The following PLEKHA5 variants were observed in gnomAD, a reference collection of about 807,000 sequenced individuals.
PLEKHA5 encodes the protein pleckstrin homology domain containing A5, also known as pleckstrin homology domain-containing family A member 5.
A neutral mutation model predicts 181.9 loss-of-function variants in PLEKHA5; 55 were observed. That is an observed-to-expected ratio of 0.30 (90% confidence interval 0.24 to 0.38). PLEKHA5 has a LOEUF of 0.38. Among genes scored for constraint, PLEKHA5 ranks in the 10% least tolerant of loss-of-function variants. The pLI, the probability that PLEKHA5 is intolerant of heterozygous loss-of-function variation, is 1.00. For synonymous variants in PLEKHA5, 535 were observed against 529.4 expected (o/e 1.01, Z -0.15); for missense variants, 1,432 against 1,549.5 (o/e 0.92, Z 1.27).
At chr12:19,250,642 A>G (rs1020900172) in intron 3 of PLEKHA5, among the ~76,000 whole-genome samples, 2 of 152,234 alleles carry the variant, frequency 1.3e-5, no homozygotes, top group African/African-American at 4.8e-5. Context: ...CCTTTTTATA[A>G]GGATTCTTCT....
chr12:19,366,838 A>G (rs1344831240), intron 30 of PLEKHA5, among the ~76,000 whole-genome samples: 1 of 152,092 alleles, frequency 6.6e-6, no homozygotes, highest in African/African-American at 2.4e-5. Flanking sequence ...ATTGTAGAAA[A>G]TTATTATCCA....
At chr12:19,183,409 A>G (rs747687509) in intron 3 of PLEKHA5, among the ~76,000 whole-genome samples, 53 of 152,210 alleles carry the variant, frequency 3.5e-4, no homozygotes, top group Non-Finnish European at 6.8e-4. Flanking sequence ...CTACATGTTC[A>G]CTTATTATCA....
Position 19,366,028 on chromosome 12 carries a change from A to T in PLEKHA5, c.3673A>T (p.Asn1225Tyr). 1 of 1,612,162 alleles carries T rather than the reference A, an allele frequency of 6.2e-7. No homozygotes were observed. Among genetic ancestry groups the T allele is most frequent in the East Asian group, 2.2e-5 (1 of 44,858 alleles). ...PEEHPEENTK[N>Y]SVDEQEETVI... ...AGAGCATCCTGAAGAAAATACAAAG[A>T]ACAGTGTTGACGAACAGGAAGAAAC... Residue 1225 changes from asparagine (N) to tyrosine (Y), a missense_variant, in exon 30 of 32, where the codon AAC becomes TAC. Physicochemically the swap from Asn to Tyr is moderately radical, Grantham distance 143. Coordinates refer to ENST00000429027, the MANE Select transcript of PLEKHA5 (RefSeq NM_001256470.2).
intron 18 of PLEKHA5, among the ~76,000 whole-genome samples, chr12:19,322,105 A>C (rs1565614895): frequency 2.0e-5 from 3 of 152,180 alleles, no homozygotes; most frequent in African/African-American, 7.2e-5. Context: ...ATTTTAATTA[A>C]GGACTGCATA....
chr12:19,306,909 A>C lies in PLEKHA5; in HGVS notation c.2038-7905A>C, dbSNP rs1006654763. The C allele has an allele frequency of 3.6e-6, 3 of 825,988 alleles. No individual in the cohort carries two copies. The Admixed American group carries it at 5.5e-5, about 15-fold the overall frequency. 51.2% of individuals were successfully genotyped at this position (825,988 alleles called of 1,614,324 possible). A position where few individuals can be genotyped will look rare whatever the true frequency, so the allele number is the denominator to read the frequency against. ...GCTAAGGCTTGTCTCTGTTGGCACC[A>C]GCTAATGCAATGGCAGGTCTTCTGC... On this transcript the variant is annotated intron_variant, in intron 15 of 31. Coordinates refer to ENST00000429027, the MANE Select transcript of PLEKHA5 (RefSeq NM_001256470.2).
chr12:19,140,395 A>C (rs185099917), intron 3 of PLEKHA5, among the ~76,000 whole-genome samples: 1 of 152,330 alleles, frequency 6.6e-6, no homozygotes, highest in Admixed American at 6.5e-5. Context: ...GAAACCCAAA[A>C]GAAATAAAGA....
At chr12:19,252,466 A>G (rs903519061) in intron 3 of PLEKHA5, among the ~76,000 whole-genome samples, 5 of 152,192 alleles carry the variant, frequency 3.3e-5, no homozygotes, top group African/African-American at 1.2e-4. Flanking sequence ...TATATTGCAT[A>G]TTATTTTGAG....
chr12:19,320,163 C>A, intron 17 of PLEKHA5, 107 bp downstream of exon 17: 1 of 438,198 alleles, frequency 2.3e-6, no homozygotes, highest in Non-Finnish European at 4.0e-6. Flanking sequence ...TATGTATATA[C>A]CGTGAAGGAT....
chr12:19,361,470 A>C lies in PLEKHA5; in HGVS notation c.3484-112A>C, dbSNP rs528086814. On this transcript the variant is annotated intron_variant, in intron 28 of 31. Coordinates refer to ENST00000429027, the MANE Select transcript of PLEKHA5 (RefSeq NM_001256470.2). ...AGTGCTGGGATTACAGGCGTGAGCCATCACGCCCGACCGTGATTGTTCAAT... is the reference window on the plus strand; with the variant it reads ...AGTGCTGGGATTACAGGCGTGAGCCCTCACGCCCGACCGTGATTGTTCAAT... 1.1e-3 allele frequency: 732 copies of C among 638,394 alleles called. 14 individuals are homozygous for C. The South Asian group carries it at 0.014, about 12-fold the overall frequency. 39.5% of individuals were successfully genotyped at this position (638,394 alleles called of 1,614,324 possible). A position where few individuals can be genotyped will look rare whatever the true frequency, so the allele number is the denominator to read the frequency against.
intron 15 of PLEKHA5, among the ~76,000 whole-genome samples, chr12:19,300,694 G>A (rs542022895): frequency 2.0e-5 from 3 of 152,080 alleles, no homozygotes; most frequent in Non-Finnish European, 4.4e-5. Flanking sequence ...TGACCTAAAG[G>A]TGTCATTATG....
intron 20 of PLEKHA5, among the ~76,000 whole-genome samples, chr12:19,334,982 T>TG (rs1555165903): frequency 4.4e-5 from 3 of 67,912 alleles, no homozygotes; most frequent in African/African-American, 7.9e-5. Context: ...TTTTTTTTTA[T>TG]GAAAAAAAAA....
At chr12:19,204,162 A>G (rs546432061) in intron 3 of PLEKHA5, among the ~76,000 whole-genome samples, 5 of 152,054 alleles carry the variant, frequency 3.3e-5, no homozygotes, top group Non-Finnish European at 7.4e-5. Context: ...GTTCTCAAAA[A>G]TGAGACATTT....
chr12:19,272,898 C>G (rs1169453547), intron 10 of PLEKHA5, among the ~76,000 whole-genome samples: 1 of 152,112 alleles, frequency 6.6e-6, no homozygotes, highest in Non-Finnish European at 1.5e-5. Flanking sequence ...TGTAAATGTT[C>G]TATGCCTTCT....
At chr12:19,204,269 A>G (rs1389591314) in intron 3 of PLEKHA5, among the ~76,000 whole-genome samples, 1 of 152,146 alleles carries the variant, frequency 6.6e-6, no homozygotes, top group African/African-American at 2.4e-5. Flanking sequence ...GTACATTTAA[A>G]GATGGGTCAG....
intron 31 of PLEKHA5, chr12:19,370,672 C>G (rs2095552419): frequency 1.3e-5 from 2 of 151,896 alleles, no homozygotes; most frequent in Non-Finnish European, 2.9e-5. Flanking sequence ...GTACTAACAT[C>G]TTTTTGTTTT....
intron 15 of PLEKHA5, among the ~76,000 whole-genome samples, chr12:19,305,721 A>T (rs1042428968): frequency 6.6e-6 from 1 of 151,758 alleles, no homozygotes; most frequent in Non-Finnish European, 1.5e-5. Flanking sequence ...TTAACTGGGC[A>T]TTGTGGCACA....
At chr12:19,233,200 A>G (rs2060899727) in intron 3 of PLEKHA5, among the ~76,000 whole-genome samples, 1 of 152,168 alleles carries the variant, frequency 6.6e-6, no homozygotes, top group African/African-American at 2.4e-5. Flanking sequence ...GTGCTATACC[A>G]AAATAAATGA....
intron 3 of PLEKHA5, among the ~76,000 whole-genome samples, chr12:19,174,791 C>T (rs1405782277): frequency 6.6e-6 from 1 of 152,100 alleles, no homozygotes; most frequent in Non-Finnish European, 1.5e-5. Flanking sequence ...GTATTTTTAT[C>T]TGTACAATAG....
chr12:19,276,156 A>G (rs889491150), intron 11 of PLEKHA5, among the ~76,000 whole-genome samples: 11 of 152,234 alleles, frequency 7.2e-5, no homozygotes, highest in Admixed American at 7.2e-4. Flanking sequence ...AGAAGAATCA[A>G]AAGAAATCCA....
Sources: allele counts gnomAD v4.1 joint callset (sites outside exome capture counted in the v4.1 genomes callset), GRCh38; gene constraint gnomAD v4.1.1; transcripts MANE v1.5; gene names NCBI Gene and HGNC (gene_info 2026-07-23, HGNC 2026-07-21).